Variants in CRMP1 observed in about 807,000 individuals in gnomAD.
CRMP1 encodes the protein dihydropyrimidinase-related protein 1.
Under a neutral mutation model 68.3 loss-of-function variants are expected in CRMP1, and 19 were observed. That is an observed-to-expected ratio of 0.28 (90% CI 0.19 to 0.41). The LOEUF (loss-of-function observed/expected upper bound fraction) is 0.41, where lower values mean the gene tolerates loss of function less well. Among genes scored for constraint, CRMP1 ranks in the 10% least tolerant of loss-of-function variants. The probability of loss-of-function intolerance (pLI) is 1.00; values close to 1 mark genes in which losing one functional copy is unlikely to be tolerated. For missense variants in CRMP1, 791 were observed against 967.4 expected (o/e 0.82, Z 2.42); for synonymous variants, 439 against 399.6 (o/e 1.10, Z -1.18).
chr4:5,828,895 A>G (rs1720107167), intron 11 of CRMP1, among the ~76,000 whole-genome samples: 1 of 151,874 alleles, frequency 6.6e-6, no homozygotes, highest in Non-Finnish European at 1.5e-5. Flanking sequence ...CTATAATCAA[A>G]TCAATATTGT....
At position 5,887,412 on chromosome 4, in the gene CRMP1, C is replaced by T. The variant is rs1715665544; in HGVS notation, c.381+5177G>A. ...ACATGGGCTCCAGTGGTCCGCATCC[C>T]TCAGGAACAGTCAGGCTCCACGCTG... On this transcript the variant is annotated intron_variant, in intron 1 of 13. Coordinates refer to ENST00000324989, the MANE Select transcript of CRMP1 (RefSeq NM_001014809.3). 17 of 985,496 alleles carry T rather than the reference C, an allele frequency of 1.7e-5. No homozygotes were observed. In the South Asian group the frequency reaches 7.0e-4, roughly 41 times the overall value. The allele number at this position is 985,496 out of a possible 1,614,324, so 61.0% of individuals were successfully genotyped here. A position where few individuals can be genotyped will look rare whatever the true frequency, so the allele number is the denominator to read the frequency against.
chr4:5,825,102 T>C lies in CRMP1; in HGVS notation c.1969+392A>G. ...AGTACACTGCAGTGGGTGAACAGGC[T>C]AAAGACTTACACAGAGCACATGCCC... is the stretch of plus-strand genomic sequence containing the variant. On this transcript the variant is annotated intron_variant, in intron 13 of 13. Transcript: ENST00000324989. The surrounding 1 kb of genome is among the most constrained non-coding windows in gnomAD (Gnocchi z 4.4). The C allele has an allele frequency of 1.0e-6, 1 of 985,432 alleles. No individual in the cohort carries two copies. Among genetic ancestry groups the C allele is most frequent in the Non-Finnish European group, 1.2e-6 (1 of 829,936 alleles). 61.0% of individuals were successfully genotyped at this position (985,432 alleles called of 1,614,324 possible). A position where few individuals can be genotyped will look rare whatever the true frequency, so the allele number is the denominator to read the frequency against.
intron 5 of CRMP1, 48 bp downstream of exon 5, chr4:5,851,360 C>A (rs774077306): frequency 3.2e-6 from 5 of 1,572,540 alleles, no homozygotes; most frequent in South Asian, 1.1e-5. Flanking sequence ...CAAAGCTGGC[C>A]CAGTCCTGCC....
intron 1 of CRMP1, among the ~76,000 whole-genome samples, chr4:5,871,255 T>G (rs1009510010): frequency 1.3e-5 from 2 of 152,194 alleles, no homozygotes; most frequent in Admixed American, 6.5e-5. Context: ...TAGTAGTTCC[T>G]TTGCCTCTTA....
intron 1 of CRMP1, chr4:5,887,338 T>C: frequency 1.0e-6 from 1 of 984,624 alleles, no homozygotes; most frequent in Non-Finnish European, 1.2e-6. Context: ...CCCTGGAGGA[T>C]TCCACCACGC....
intron 11 of CRMP1, among the ~76,000 whole-genome samples, chr4:5,829,380 C>A (rs569708160): frequency 6.6e-6 from 1 of 152,260 alleles, no homozygotes; most frequent in Non-Finnish European, 1.5e-5. Flanking sequence ...CAGAGCGAGA[C>A]TCTGTCTCCA....
Position 5,851,248 on chromosome 4 carries a change from G to A in CRMP1, c.882+160C>T, listed in dbSNP as rs375094553. ...CAGAAAAGAACAGAAGCCCAGCTGG[G>A]GCAATGACTGACACCGTATCACACA... On this transcript the variant is annotated intron_variant, in intron 5 of 13. Coordinates refer to ENST00000324989, the MANE Select transcript of CRMP1 (RefSeq NM_001014809.3). Among the ~76,000 whole-genome samples the A allele has an allele frequency of 8.5e-5, 13 of 152,128 alleles. No homozygotes were observed. In the East Asian group the frequency reaches 2.3e-3, roughly 27 times the overall value.
intron 3 of CRMP1, among the ~76,000 whole-genome samples, chr4:5,856,794 T>TCAC (rs1201908947): frequency 7.4e-6 from 1 of 134,958 alleles, no homozygotes; most frequent in Non-Finnish European, 1.6e-5. Context: ...AGCACCATCA[T>TCAC]CACCACCACC....
chr4:5,880,194 G>C (rs748723474), intron 1 of CRMP1, among the ~76,000 whole-genome samples: 2 of 152,176 alleles, frequency 1.3e-5, no homozygotes, highest in Non-Finnish European at 2.9e-5. Flanking sequence ...GAACATACTG[G>C]GAATTTCTGC....
chr4:5,839,171 A>C (rs1437651957), intron 9 of CRMP1, among the ~76,000 whole-genome samples: 1 of 152,210 alleles, frequency 6.6e-6, no homozygotes, highest in Non-Finnish European at 1.5e-5. Context: ...AGGGAGACAG[A>C]GAGATGTCAC....
At chr4:5,862,481 GA>G (rs1386796098) in intron 2 of CRMP1, among the ~76,000 whole-genome samples, 1 of 152,204 alleles carries the variant, frequency 6.6e-6, no homozygotes, top group Non-Finnish European at 1.5e-5. Context: ...GCCAAGAGCT[GA>G]AGGGAAAGGG....
intron 11 of CRMP1, among the ~76,000 whole-genome samples, chr4:5,829,416 C>T (rs540523837): frequency 3.9e-4 from 59 of 152,218 alleles, no homozygotes; most frequent in African/African-American, 1.3e-3. Flanking sequence ...AAAAACTCAC[C>T]TTCTTTCCAT....
rs1711563456 is a variant in CRMP1 at position 5,839,752 on chromosome 4, G to A, written c.1154-74C>T. 2.7e-6 allele frequency: 4 copies of A among 1,476,366 alleles called. No individual in the cohort carries two copies. In the East Asian group the frequency reaches 9.6e-5, roughly 36 times the overall value. 91.5% of individuals were successfully genotyped at this position (1,476,366 alleles called of 1,614,324 possible). The stretch of plus-strand genomic sequence containing the variant: ...GGCAGATGTCAAAGGCACAAAATTG[G>A]AAGACTGTGGAGGGAGAACGGGGCT... On this transcript the variant is annotated intron_variant, in intron 8 of 13. Transcript: ENST00000324989.
At position 5,828,061 on chromosome 4, in the gene CRMP1, TA is replaced by T; in HGVS notation, c.1803+427del. 3 of 985,310 alleles carry T rather than the reference TA, an allele frequency of 3.0e-6. No individual in the cohort carries two copies. In the African/African-American group the frequency reaches 5.2e-5, roughly 17 times the overall value. The allele number at this position is 985,310 out of a possible 1,614,324, so 61.0% of individuals were successfully genotyped here. On this transcript the variant is annotated intron_variant, in intron 12 of 13. Coordinates refer to ENST00000324989, the MANE Select transcript of CRMP1 (RefSeq NM_001014809.3). ...AGCCCTGCCTGCAAGATGCCAGGGGTAACACCTTGCTCCACAGGGCCAGACC... is the reference window on the plus strand; with the variant it reads ...AGCCCTGCCTGCAAGATGCCAGGGGTACACCTTGCTCCACAGGGCCAGACC...
intron 4 of CRMP1, among the ~76,000 whole-genome samples, chr4:5,852,761 G>C (rs182913999): frequency 6.6e-6 from 1 of 152,144 alleles, no homozygotes. Context: ...CAAGTCAATG[G>C]GCAAAGACAA....
intron 13 of CRMP1, among the ~76,000 whole-genome samples, chr4:5,823,402 A>G (rs1476844410): frequency 6.6e-6 from 1 of 152,220 alleles, no homozygotes; most frequent in Non-Finnish European, 1.5e-5. Flanking sequence ...AACCATCTGT[A>G]CCTTGCTGGT....
intron 12 of CRMP1, chr4:5,826,651 C>G (rs1176915813): frequency 2.0e-5 from 3 of 152,296 alleles, no homozygotes; most frequent in Non-Finnish European, 2.9e-5. Context: ...GGGAGGGCAC[C>G]TGCTCCAGGC....
chr4:5,849,351 A>G, intron 6 of CRMP1, 41 bp downstream of exon 6: 1 of 1,507,478 alleles, frequency 6.6e-7, no homozygotes, highest in Non-Finnish European at 9.2e-7. Flanking sequence ...AACAAGGAGA[A>G]TCAGACTGAG....
chr4:5,869,949 TC>T (rs1714327038), intron 1 of CRMP1, among the ~76,000 whole-genome samples: 1 of 152,072 alleles, frequency 6.6e-6, no homozygotes, highest in Admixed American at 6.6e-5. Flanking sequence ...ACTTCAGTGG[TC>T]CCCTGGACCA....
Sources: allele counts gnomAD v4.1 joint callset (sites outside exome capture counted in the v4.1 genomes callset), GRCh38; gene constraint gnomAD v4.1.1; non-coding constraint Gnocchi (gnomAD v3.1); transcripts MANE v1.5; gene names NCBI Gene and HGNC (gene_info 2026-07-23, HGNC 2026-07-21).